ACSM5: variants seen among roughly 807,000 people sequenced by gnomAD.
ACSM5 encodes acyl-coenzyme A synthetase ACSM5, mitochondrial.
ACSM5 carries 56 observed loss-of-function variants against 71.6 expected under a neutral mutation model. The ratio of observed to expected loss-of-function variants is 0.78; its 90% CI spans 0.63 to 0.98. The LOEUF is 0.98. Among genes scored for constraint, ACSM5 ranks in the 50% least tolerant of loss-of-function variants. The pLI is 0.00. For missense variants in ACSM5, 723 were observed against 726.0 expected (o/e 1.00, Z 0.05); for synonymous variants, 285 against 281.5 (o/e 1.01, Z -0.12).
chr16:20,425,576 C>T (rs1379002544), intron 6 of ACSM5, among the ~76,000 whole-genome samples: 2 of 152,064 alleles, frequency 1.3e-5, no homozygotes, highest in Non-Finnish European at 2.9e-5. Flanking sequence ...TATCCCTCAC[C>T]CCCTTCCCAC....
intron 4 of ACSM5, chr16:20,421,027 T>C (rs1267928908): frequency 5.6e-6 from 2 of 354,338 alleles, no homozygotes; most frequent in African/African-American, 2.1e-5. Context: ...ATGGACTCTT[T>C]TGCGTGAATT....
chr16:20,434,568 C>A (rs1967158485), intron 10 of ACSM5, among the ~76,000 whole-genome samples: 1 of 152,138 alleles, frequency 6.6e-6, no homozygotes, highest in South Asian at 2.1e-4. Context: ...GTGGCGGGCA[C>A]CTGTAGTCCC....
rs749908101 is a variant in ACSM5 at position 20,439,857 on chromosome 16, C to G, written c.1594C>G (p.Leu532Val). ...CTACTCCTCTCATGACCCAGAGGCA[C>G]TAACGCGGGAACTCCAGGAGCATGT... ...PAYSSHDPEA[L>V]TRELQEHVKR... is the part of the protein sequence containing the mutation. The change falls in exon 13 of 14, where the codon CTA (leucine) becomes GTA (valine). Residue 532 changes from leucine (L) to valine (V), a missense_variant. By Grantham distance (32) the Leu-to-Val change is conservative. Coordinates refer to ENST00000331849, the MANE Select transcript of ACSM5 (RefSeq NM_017888.3). 7 of 1,612,228 alleles carry G rather than the reference C, an allele frequency of 4.3e-6. No homozygotes were observed. The highest frequency in any genetic ancestry group is 5.9e-6 in the Non-Finnish European group (7 of 1,178,654).
chr16:20,413,170 T>G (rs548522136), intron 2 of ACSM5, among the ~76,000 whole-genome samples: 10 of 152,310 alleles, frequency 6.6e-5, no homozygotes, highest in South Asian at 4.1e-4. Context: ...TGCAAAAATC[T>G]AAGTTCTTTT....
chr16:20,427,643 G>A, intron 6 of ACSM5, 145 bp from the exon 7 acceptor site: 1 of 695,820 alleles, frequency 1.4e-6, no homozygotes, highest in Admixed American at 2.0e-5. Flanking sequence ...AGGAGTCACT[G>A]GACACCATCT....
chr16:20,431,266 A>T lies in ACSM5; in HGVS notation c.1253A>T (p.Asn418Ile). 1 of 1,614,160 alleles carries T rather than the reference A, an allele frequency of 6.2e-7. No homozygotes were observed. The highest frequency in any genetic ancestry group is 8.5e-7 in the Non-Finnish European group (1 of 1,180,016). Residue 418 changes from asparagine (N) to isoleucine (I), a missense_variant, in exon 10 of 14, where the codon AAT (asparagine) becomes ATT (isoleucine). Transcript: ENST00000331849. The part of the protein sequence containing the change: ...GNVLPPGEEG[N>I]VAVRIRPTRP... ...GTCCTGCCTCCTGGAGAAGAGGGGA[A>T]TGTTGCCGTCCGTATCAGACCCACT...
intron 2 of ACSM5, 108 bp from the exon 3 acceptor site, chr16:20,417,951 G>A: frequency 8.9e-7 from 1 of 1,122,498 alleles, no homozygotes; most frequent in Non-Finnish European, 1.2e-6. Flanking sequence ...TTTGCTTTTT[G>A]AACCCTGTGA....
intron 3 of ACSM5, 31 bp downstream of exon 3, chr16:20,418,300 G>C: frequency 6.3e-7 from 1 of 1,583,890 alleles, no homozygotes; most frequent in Non-Finnish European, 8.6e-7. Context: ...ATTTTAGTTG[G>C]GGGCAGACAC....
At position 20,419,574 on chromosome 16, in the gene ACSM5, A is replaced by G. The variant is rs1307214776; in HGVS notation, c.623+139A>G. ...TCCCATTGGCAGCCAGGCTGACCTGAGCATAATCCTGGTCCCTACCTTAAT... is the reference window on the plus strand; with the variant it reads ...TCCCATTGGCAGCCAGGCTGACCTGGGCATAATCCTGGTCCCTACCTTAAT... On this transcript the variant is annotated intron_variant, in intron 4 of 13. Coordinates refer to ENST00000331849, the MANE Select transcript of ACSM5 (RefSeq NM_017888.3). 3 of 787,638 alleles carry G rather than the reference A, an allele frequency of 3.8e-6. No individual in the cohort carries two copies. The South Asian group carries it at 5.1e-5, about 13-fold the overall frequency. 48.8% of individuals were successfully genotyped at this position (787,638 alleles called of 1,614,324 possible).
At chr16:20,415,820 C>T (rs1220089253) in intron 2 of ACSM5, among the ~76,000 whole-genome samples, 3 of 152,122 alleles carry the variant, frequency 2.0e-5, no homozygotes, top group Non-Finnish European at 4.4e-5. Flanking sequence ...GGATTGGTGA[C>T]TCATTGTTTT....
At position 20,418,082 on chromosome 16, in the gene ACSM5, T is replaced by C; in HGVS notation, c.228T>C (p.Pro76=). The C allele has an allele frequency of 6.2e-7, 1 of 1,613,830 alleles. No homozygotes were observed. Among genetic ancestry groups the C allele is most frequent in the Non-Finnish European group, 8.5e-7 (1 of 1,179,944 alleles). Residue 76 remains proline (P), a synonymous_variant, in exon 3 of 14, where the codon CCT becomes CCC. Transcript: ENST00000331849. ...AGGCTGGACACCGCCCCCCAAATCC[T>C]GCCTTCTGGTGGGTCAATGGCACAG... The part of the protein sequence containing the change: ...LEEAGHRPPN[P]AFWWVNGTGA...
At chr16:20,418,653 T>A (rs990970407) in intron 3 of ACSM5, among the ~76,000 whole-genome samples, 2 of 152,252 alleles carry the variant, frequency 1.3e-5, no homozygotes, top group African/African-American at 4.8e-5. Flanking sequence ...CTTTTAATGT[T>A]GGCATCTATC....
At chr16:20,426,605 T>A (rs1182493180) in intron 6 of ACSM5, among the ~76,000 whole-genome samples, 21 of 152,318 alleles carry the variant, frequency 1.4e-4, no homozygotes, top group Middle Eastern at 3.4e-3. Context: ...TTGTATGATA[T>A]AACGTGGATA....
At position 20,421,248 on chromosome 16, in the gene ACSM5, C is replaced by T. The variant is rs754910952; in HGVS notation, c.624-10C>T. 43 of 1,553,474 alleles carry T rather than the reference C, an allele frequency of 2.8e-5. 1 individual carries two copies. In the Middle Eastern group the frequency reaches 6.8e-4, roughly 25 times the overall value. On this transcript the variant is annotated splice_polypyrimidine_tract_variant and intron_variant, in intron 4 of 13. Transcript: ENST00000331849. ...GTGGTAGTGCCACCTAGTGTATTTA[C>T]GTTTTACAGGGAGGCTTCTACAGAG...
Position 20,437,381 on chromosome 16 carries a change from C to A in ACSM5, c.1536+14C>A. Reference sequence around the variant, plus strand: ...ATCAGGGGAGAGGTAACCAGTGCACCCAAGAACATGGCCTCCTGCTTCTGT... The same window carrying A: ...ATCAGGGGAGAGGTAACCAGTGCACACAAGAACATGGCCTCCTGCTTCTGT... On this transcript the variant is annotated intron_variant, in intron 12 of 13. Coordinates refer to ENST00000331849, the MANE Select transcript of ACSM5 (RefSeq NM_017888.3). 1 of 1,574,042 alleles carries A rather than the reference C, an allele frequency of 6.4e-7. No individual in the cohort carries two copies. Among genetic ancestry groups the A allele is most frequent in the Middle Eastern group, 1.8e-4 (1 of 5,670 alleles).
chr16:20,432,144 TCTTTTCTTCACA>T (rs1967112475), intron 10 of ACSM5, among the ~76,000 whole-genome samples: 1 of 152,114 alleles, frequency 6.6e-6, no homozygotes, highest in African/African-American at 2.4e-5. Flanking sequence ...TGTCGGGCTT[TCTTTTCTTCACA>T]GCTTTCTCTA....
chr16:20,413,909 G>A (rs916085848), intron 2 of ACSM5, among the ~76,000 whole-genome samples: 3 of 152,120 alleles, frequency 2.0e-5, no homozygotes, highest in Non-Finnish European at 2.9e-5. Flanking sequence ...ATCATAAGAT[G>A]ACTACTAAGC....
chr16:20,440,393 G>A lies in ACSM5; in HGVS notation c.1706G>A (p.Arg569Lys). The stretch of plus-strand genomic sequence containing the variant: ...AAGACGGTTTCTGGAAAGATCCAAA[G>A]GAGTAAATTGCGAAGTCAGGAGTGG... ...LPKTVSGKIQ[R>K]SKLRSQEWGK Residue 569 changes from arginine to lysine, a missense_variant, in exon 14 of 14, where the codon AGG becomes AAG. Physicochemically the swap from Arg to Lys is conservative, Grantham distance 26 (BLOSUM62 2). Coordinates refer to ENST00000331849, the MANE Select transcript of ACSM5 (RefSeq NM_017888.3). 6.2e-7 allele frequency: 1 copy of A among 1,610,776 alleles called. No homozygotes were observed. Among genetic ancestry groups the A allele is most frequent in the South Asian group, 1.1e-5 (1 of 90,994 alleles).
chr16:20,413,627 A>T (rs1966851437), intron 2 of ACSM5, among the ~76,000 whole-genome samples: 1 of 152,222 alleles, frequency 6.6e-6, no homozygotes, highest in Non-Finnish European at 1.5e-5. Flanking sequence ...TGTCTATGGG[A>T]GCTTTAAAAA....
Sources: gnomAD v4.1 joint callset for allele counts (sites outside exome capture counted in the v4.1 genomes callset) on GRCh38, gnomAD v4.1.1 for gene constraint, MANE v1.5 for transcripts, NCBI Gene and HGNC (gene_info 2026-07-23, HGNC 2026-07-21) for gene names.